Variants in DPF1 observed in about 807,000 individuals in gnomAD.
The protein encoded by DPF1 is zinc finger protein neuro-d4.
A neutral mutation model predicts 58.7 loss-of-function variants in DPF1; 14 were observed. That is an observed-to-expected ratio of 0.24 (90% CI 0.16 to 0.37). DPF1 has a LOEUF of 0.37. DPF1 is among the 10% of genes least tolerant of loss of function. The pLI is 1.00. For synonymous variants in DPF1, 216 were observed against 216.0 expected (o/e 1.00, Z 0.00); for missense variants, 345 against 529.9 (o/e 0.65, Z 3.43).
Position 38,229,519 on chromosome 19 carries a change from G to T in DPF1, c.-132+40C>A. 8.9e-7 allele frequency: 1 copy of T among 1,126,594 alleles called. No individual in the cohort carries two copies. The highest frequency in any genetic ancestry group is 4.3e-5 in the South Asian group (1 of 23,276). 69.8% of individuals were successfully genotyped at this position (1,126,594 alleles called of 1,614,324 possible). A position where few individuals can be genotyped will look rare whatever the true frequency, so the allele number is the denominator to read the frequency against. ...CGGGCGGGGGAAGGGCTCCTGGTGG[G>T]GGGGTCTGGACAGGGGGCGGGGACG... On this transcript the variant is annotated intron_variant, in intron 1 of 11. Coordinates refer to the DPF1 transcript ENST00000412732. This position sits in a 1 kb window ranked among gnomAD's most constrained non-coding sequence, Gnocchi z 5.3.
chr19:38,211,702 C>CTT lies in DPF1; in HGVS notation c.*359_*360dup, dbSNP rs779973087. On this transcript the variant is annotated 3_prime_UTR_variant, in exon 12 of 12. Coordinates refer to ENST00000355526, the MANE Select transcript of DPF1 (RefSeq NM_001135155.3). This position sits in a 1 kb window ranked among gnomAD's most constrained non-coding sequence, Gnocchi z 4.0. Reference sequence around the variant, plus strand: ...ATATATTAACTTCTTTTCTTTTCTTCTTTTTTTTTTTTTTAACTTTTTGTC... The same window carrying CTT: ...ATATATTAACTTCTTTTCTTTTCTTCTTTTTTTTTTTTTTTTAACTTTTTGTC... 1.5e-4 allele frequency: 26 copies of CTT among 179,128 alleles called. No homozygotes were observed. The highest frequency in any genetic ancestry group is 2.2e-3 in the Middle Eastern group (1 of 462). The allele number at this position is 179,128 out of a possible 1,614,324, so 11.1% of individuals were successfully genotyped here.
At chr19:38,219,194 G>C (rs373262266) in intron 3 of DPF1, 136 bp from the exon 4 acceptor site, 3 of 1,309,776 alleles carry the variant, frequency 2.3e-6, no homozygotes, top group Non-Finnish European at 2.1e-6. Context: ...CATGCCCTAG[G>C]AGGGAGGCCC....
chr19:38,217,313 A>C, intron 7 of DPF1, 147 bp downstream of exon 7: 2 of 1,103,182 alleles, frequency 1.8e-6, no homozygotes, highest in Non-Finnish European at 2.5e-6. Context: ...CCCCGGAGCC[A>C]GCATCCCCAT....
intron 3 of DPF1, among the ~76,000 whole-genome samples, chr19:38,221,471 C>T (rs1274536605): frequency 2.0e-5 from 3 of 151,032 alleles, no homozygotes; most frequent in Non-Finnish European, 2.9e-5. Flanking sequence ...ACCCACTAGG[C>T]GGAGGTTGCA....
In DPF1 at chr19:38,219,409, A is replaced by C. The variant is rs1046375930; in HGVS notation, c.299-351T>G. On this transcript the variant is annotated intron_variant, in intron 3 of 11. Transcript: ENST00000355526. ...AGATCCAGACACTCGCAGAGGAGAC[A>C]CAGGGACACCCGCAGGGGACATCCA... 13 of 252,000 alleles carry C rather than the reference A, an allele frequency of 5.2e-5. No homozygotes were observed. In the Admixed American group the frequency reaches 5.6e-4, roughly 11 times the overall value. The allele number at this position is 252,000 out of a possible 1,614,324, so 15.6% of individuals were successfully genotyped here.
At chr19:38,213,851 G>C (rs1232104285) in intron 9 of DPF1, 95 bp from the exon 10 acceptor site, 4 of 1,032,342 alleles carry the variant, frequency 3.9e-6, no homozygotes, top group Non-Finnish European at 5.7e-6. Flanking sequence ...CCTACCCCTG[G>C]CTCATGACGC....
chr19:38,219,063 G>A lies in DPF1; in HGVS notation c.299-5C>T. 2 of 1,613,778 alleles carry A rather than the reference G, an allele frequency of 1.2e-6. No individual in the cohort carries two copies. The highest frequency in any genetic ancestry group is 1.7e-6 in the Non-Finnish European group (2 of 1,179,986). On this transcript the variant is annotated splice_region_variant and splice_polypyrimidine_tract_variant and intron_variant, in intron 3 of 11. Transcript: ENST00000355526. ...TCTTCAGGGGTGCTTCACAGTCTGG[G>A]GACAGGGCCATGGGGGGGTCAGATG...
upstream of DPF1, among the ~76,000 whole-genome samples, chr19:38,228,329 G>A (rs1967910964): frequency 6.6e-6 from 1 of 151,310 alleles, no homozygotes; most frequent in African/African-American, 2.4e-5. Flanking sequence ...GCGGCCTCTG[G>A]TCCAGCCAGC....
At chr19:38,212,163 C>CCCGGGT in intron 11 of DPF1, 30 bp from the exon 12 acceptor site, 1 of 1,600,908 alleles carries the variant, frequency 6.2e-7, no homozygotes, top group Non-Finnish European at 8.5e-7. Context: ...TGAAGTCAGG[C>CCCGGGT]CCGGGTCCGG....
At chr19:38,225,156 A>T (rs1967761323), upstream of DPF1, among the ~76,000 whole-genome samples, 1 of 152,176 alleles carries the variant, frequency 6.6e-6, no homozygotes, top group Admixed American at 6.6e-5. Context: ...AGGCAGGAGA[A>T]TCACTTGAAC....
rs528670395 is a variant in DPF1, at chr19:38,213,888, C to G, written c.899-132G>C. The G allele has an allele frequency of 6.5e-5, 46 of 713,174 alleles. 1 individual carries two copies. The highest frequency in any genetic ancestry group is 6.2e-4 in the Admixed American group (23 of 36,826). 44.2% of individuals were successfully genotyped at this position (713,174 alleles called of 1,614,324 possible). On this transcript the variant is annotated intron_variant, in intron 9 of 11. Coordinates refer to ENST00000355526, the MANE Select transcript of DPF1 (RefSeq NM_001135155.3). ...AGGATGAGCTGCCGGGATCCACAGC[C>G]TGACCCCACACCTGCCCAGCAACCA...
chr19:38,217,721 G>A lies in DPF1; in HGVS notation c.595+77C>T, dbSNP rs146689969. 6.1e-3 allele frequency: 9,721 copies of A among 1,599,110 alleles called. 46 individuals carry two copies. Among genetic ancestry groups the A allele is most frequent in the Admixed American group, 0.013 (746 of 58,238 alleles). Reference sequence around the variant, plus strand: ...CAGCCTCCCAACCCGGGTCTGGAACGGGAGGGAGAGGGCCACGAGGTGGGG... The same window carrying A: ...CAGCCTCCCAACCCGGGTCTGGAACAGGAGGGAGAGGGCCACGAGGTGGGG... On this transcript the variant is annotated intron_variant, in intron 6 of 11. Coordinates refer to ENST00000355526, the MANE Select transcript of DPF1 (RefSeq NM_001135155.3).
chr19:38,223,134 T>C, intron 1 of DPF1: 1 of 173,222 alleles, frequency 5.8e-6, no homozygotes, highest in Non-Finnish European at 1.2e-5. Context: ...ATATCCCAAG[T>C]TCCATAGTGT....
chr19:38,229,214 G>T (rs560344093), upstream of DPF1, among the ~76,000 whole-genome samples: 1 of 152,052 alleles, frequency 6.6e-6, no homozygotes, highest in African/African-American at 2.4e-5. This position sits in a 1 kb window ranked among gnomAD's most constrained non-coding sequence, Gnocchi z 5.3. Flanking sequence ...AGCCCCGGCC[G>T]GGGCAGGCCC....
chr19:38,217,966 G>A, intron 5 of DPF1, 90 bp from the exon 6 acceptor site: 1 of 1,314,562 alleles, frequency 7.6e-7, no homozygotes, highest in East Asian at 2.4e-5. Context: ...CACTTTGGGA[G>A]GCCGAGGCAG....
chr19:38,222,550 G>A lies in DPF1; in HGVS notation c.188C>T (p.Pro63Leu), dbSNP rs763470553. Residue 63 changes from proline to leucine, a missense_variant and splice_region_variant, in exon 2 of 12, where the codon CCG becomes CTG. Physicochemically the swap from Pro to Leu is moderately conservative, Grantham distance 98. Transcript: ENST00000355526. This position sits in a 1 kb window ranked among gnomAD's most constrained non-coding sequence, Gnocchi z 4.9. ...YIWMEKTHRG[P>L]GLAPGQIYTY... ...TGCGCCAGCCCTCCCGGCGGTACCC[G>A]GCCCGCGGTGGGTCTTCTCCATCCA... 1.4e-5 allele frequency: 22 copies of A among 1,606,500 alleles called. No homozygotes were observed. The highest frequency in any genetic ancestry group is 1.9e-5 in the Non-Finnish European group (22 of 1,176,832).
rs1555801606 is a variant in DPF1 at position 38,216,410 on chromosome 19, TA to T, written c.728-8del. On this transcript the variant is annotated splice_region_variant and splice_polypyrimidine_tract_variant and intron_variant, in intron 7 of 11. Coordinates refer to ENST00000355526, the MANE Select transcript of DPF1 (RefSeq NM_001135155.3). ...GCCAATTCTTTGTAAAACTCTGGGG[TA>T]GGGGGGACAGAGAGAGGGACTCTCA... The T allele has an allele frequency of 6.3e-7, 1 of 1,579,322 alleles. No individual in the cohort carries two copies. The highest frequency in any genetic ancestry group is 8.6e-7 in the Non-Finnish European group (1 of 1,162,476).
At chr19:38,217,956 C>T (rs538773836) in intron 5 of DPF1, 80 bp from the exon 6 acceptor site, 27 of 1,473,910 alleles carry the variant, frequency 1.8e-5, no homozygotes, top group Admixed American at 1.4e-4. Context: ...GTAATCCCAG[C>T]ACTTTGGGAG....
intron 6 of DPF1, 42 bp downstream of exon 6, chr19:38,217,756 G>GC (rs1967140830): frequency 1.9e-6 from 3 of 1,611,286 alleles, no homozygotes; most frequent in East Asian, 2.2e-5. Flanking sequence ...GAGTCTCTGG[G>GC]CACCCCTCTC....
Sources: gnomAD v4.1 joint callset for allele counts (sites outside exome capture counted in the v4.1 genomes callset) on GRCh38, gnomAD v4.1.1 for gene constraint, Gnocchi (gnomAD v3.1) non-coding constraint, MANE v1.5 for transcripts, NCBI Gene and HGNC (gene_info 2026-07-23, HGNC 2026-07-21) for gene names.